The following ARHGEF3 variants were observed in gnomAD, a reference collection of about 807,000 sequenced individuals.
The protein encoded by ARHGEF3 is 59.8 kDA protein.
A neutral mutation model predicts 63.2 loss-of-function variants in ARHGEF3; 28 were observed. That is an observed-to-expected ratio of 0.44 (90% CI 0.33 to 0.61). ARHGEF3 has a LOEUF of 0.61. ARHGEF3 is among the 20% of genes least tolerant of loss of function. The pLI, the probability that ARHGEF3 is intolerant of heterozygous loss-of-function variation, is 0.03. For missense variants in ARHGEF3, 533 were observed against 659.3 expected (o/e 0.81, Z 2.10); for synonymous variants, 266 against 254.2 (o/e 1.05, Z -0.44).
intron 1 of ARHGEF3, among the ~76,000 whole-genome samples, chr3:57,039,145 T>C (rs1304120472): frequency 6.6e-6 from 1 of 152,198 alleles, no homozygotes; most frequent in Admixed American, 6.5e-5. Context: ...AGCTAAAAAC[T>C]CTGGCACCAC....
At chr3:57,057,165 G>A (rs1166519070) in intron 1 of ARHGEF3, among the ~76,000 whole-genome samples, 1 of 152,136 alleles carries the variant, frequency 6.6e-6, no homozygotes, top group Non-Finnish European at 1.5e-5. Context: ...AGGCTGGGGT[G>A]CAGCAGCATG....
At position 56,748,037 on chromosome 3, in the gene ARHGEF3, A is replaced by G. The variant is rs191840604; in HGVS notation, c.613-2575T>C. On this transcript the variant is annotated intron_variant, in intron 6 of 9. Transcript: ENST00000296315. The stretch of plus-strand genomic sequence containing the variant: ...GTACTAGCTATTATTACTTGTCCCA[A>G]GAAGTTCTTTGTTTTCGAGATAGGG... Among the ~76,000 whole-genome samples the G allele has an allele frequency of 1.5e-3, 235 of 152,298 alleles. 3 individuals are homozygous for G. Among genetic ancestry groups the G allele is most frequent in the Non-Finnish European group, 2.2e-4 (15 of 68,028 alleles).
intron 1 of ARHGEF3, among the ~76,000 whole-genome samples, chr3:57,051,141 T>C (rs765508710): frequency 1.3e-5 from 2 of 152,214 alleles, no homozygotes; most frequent in Non-Finnish European, 2.9e-5. Context: ...TACAGCTGAA[T>C]GTGTAACTAC....
intron 2 of ARHGEF3, among the ~76,000 whole-genome samples, chr3:56,964,261 G>A (rs971059571): frequency 1.3e-5 from 2 of 150,644 alleles, no homozygotes; most frequent in Non-Finnish European, 2.9e-5. Flanking sequence ...GCTGAGGCAT[G>A]AGAATCACTT....
At chr3:56,737,874 CTTT>C (rs1051788595) in intron 7 of ARHGEF3, among the ~76,000 whole-genome samples, 1 of 147,362 alleles carries the variant, frequency 6.8e-6, no homozygotes, top group Non-Finnish European at 1.5e-5. Flanking sequence ...GTTTGAATAT[CTTT>C]TTTTTTTTGA....
chr3:56,732,695 T>C (rs964107592), intron 8 of ARHGEF3, among the ~76,000 whole-genome samples: 18 of 152,160 alleles, frequency 1.2e-4, no homozygotes, highest in African/African-American at 3.9e-4. Context: ...GTTGCCAACT[T>C]TGGGGGCCCT....
chr3:56,879,227 G>A (rs544434972), intron 4 of ARHGEF3, among the ~76,000 whole-genome samples: 18 of 152,192 alleles, frequency 1.2e-4, no homozygotes, highest in African/African-American at 2.9e-4. Flanking sequence ...TACCCCACCC[G>A]GTCAGTGGAA....
intron 1 of ARHGEF3, chr3:56,775,072 G>C: frequency 6.4e-7 from 1 of 1,551,214 alleles, no homozygotes; most frequent in South Asian, 1.2e-5. Context: ...ATTTTGATGG[G>C]CAAAGCCAAA....
chr3:56,769,833 G>A (rs1209113597), intron 2 of ARHGEF3, among the ~76,000 whole-genome samples: 1 of 152,178 alleles, frequency 6.6e-6, no homozygotes, highest in Non-Finnish European at 1.5e-5. Context: ...TGTCTCTAAG[G>A]TGTCAGAAGC....
intron 3 of ARHGEF3, among the ~76,000 whole-genome samples, chr3:56,909,735 T>G (rs2041805846): frequency 6.6e-6 from 1 of 152,192 alleles, no homozygotes; most frequent in South Asian, 2.1e-4. Context: ...GTTACTACGT[T>G]TAACACCCTC....
At chr3:56,965,312 T>C (rs1315018757) in intron 2 of ARHGEF3, among the ~76,000 whole-genome samples, 1 of 152,086 alleles carries the variant, frequency 6.6e-6, no homozygotes, top group East Asian at 1.9e-4. Context: ...GGCATTAAAT[T>C]TGAAAACTTA....
intron 1 of ARHGEF3, among the ~76,000 whole-genome samples, chr3:57,077,951 A>ACTGTGTAAGCAC (rs1706291260): frequency 6.6e-6 from 1 of 152,134 alleles, no homozygotes. Context: ...CCAGCTCCTT[A>ACTGTGTAAGCAC]CCAGAATAAG....
chr3:56,941,490 G>A (rs1472085820), intron 3 of ARHGEF3, among the ~76,000 whole-genome samples: 1 of 152,214 alleles, frequency 6.6e-6, no homozygotes, highest in Non-Finnish European at 1.5e-5. Context: ...TTACAGGCAT[G>A]AGCCATGATG....
chr3:57,034,947 C>G, intron 2 of ARHGEF3: 1 of 653,302 alleles, frequency 1.5e-6, no homozygotes. Context: ...AGGCATGAGA[C>G]ACCATGCCTA....
intron 4 of ARHGEF3, among the ~76,000 whole-genome samples, chr3:56,877,767 G>A (rs970150737): frequency 6.6e-6 from 1 of 152,114 alleles, no homozygotes; most frequent in Non-Finnish European, 1.5e-5. Flanking sequence ...CAAATTTATG[G>A]ACATGCAAAG....
intron 2 of ARHGEF3, among the ~76,000 whole-genome samples, chr3:56,973,347 C>T (rs1278266908): frequency 6.6e-6 from 1 of 152,072 alleles, no homozygotes; most frequent in Non-Finnish European, 1.5e-5. Flanking sequence ...AGGAATAACA[C>T]TATCTACTGT....
intron 7 of ARHGEF3, among the ~76,000 whole-genome samples, chr3:56,742,564 T>C (rs2034109525): frequency 6.6e-6 from 1 of 152,162 alleles, no homozygotes; most frequent in Admixed American, 6.5e-5. Flanking sequence ...TATTGGTGCT[T>C]GTTTTATGTT....
At chr3:56,770,411 AAAATTAAATTAAATTAAATTAAATT>A (rs532232575) in intron 2 of ARHGEF3, among the ~76,000 whole-genome samples, 2 of 147,688 alleles carry the variant, frequency 1.4e-5, no homozygotes, top group Non-Finnish European at 3.0e-5. Flanking sequence ...CTCTGTCTCG[AAAATTAAATTAAATTAAATTAAATT>A]AAATTAAATT....
At chr3:57,043,325 T>G (rs562201286) in intron 1 of ARHGEF3, among the ~76,000 whole-genome samples, 50 of 150,202 alleles carry the variant, frequency 3.3e-4, no homozygotes, top group Admixed American at 1.2e-3. Flanking sequence ...CCACGTTGAT[T>G]AGGCTGGTCT....
Sources: allele counts gnomAD v4.1 joint callset (sites outside exome capture counted in the v4.1 genomes callset), GRCh38; gene constraint gnomAD v4.1.1; transcripts MANE v1.5; gene names NCBI Gene and HGNC (gene_info 2026-07-23, HGNC 2026-07-21).